The following CTDP1 variants were observed in gnomAD, a reference collection of about 807,000 sequenced individuals.
CTDP1 encodes the protein RNA polymerase II subunit A C-terminal domain phosphatase.
Under a neutral mutation model 91.8 loss-of-function variants are expected in CTDP1, and 47 were observed. That is an observed-to-expected ratio of 0.51 (90% CI 0.41 to 0.65). CTDP1 has a LOEUF of 0.65. Ranked by LOEUF, CTDP1 falls within the 30% of genes least tolerant of loss-of-function variation. The pLI, the probability that CTDP1 is intolerant of heterozygous loss-of-function variation, is 0.00. For synonymous variants in CTDP1, 656 were observed against 598.5 expected (o/e 1.10, Z -1.40); for missense variants, 1,272 against 1,373.7 (o/e 0.93, Z 1.17).
intron 5 of CTDP1, among the ~76,000 whole-genome samples, chr18:79,708,726 A>T (rs1476726047): frequency 6.6e-6 from 1 of 152,264 alleles, no homozygotes; most frequent in Non-Finnish European, 1.5e-5. Flanking sequence ...CCACAGTCCC[A>T]GCTCCCGACT....
intron 12 of CTDP1, among the ~76,000 whole-genome samples, chr18:79,750,337 C>T (rs1366248228): frequency 2.6e-5 from 4 of 151,992 alleles, no homozygotes; most frequent in African/African-American, 4.8e-5. Flanking sequence ...AGGCATGCAC[C>T]GACACTCCCA....
intron 6 of CTDP1, among the ~76,000 whole-genome samples, chr18:79,710,824 G>A (rs936328244): frequency 6.6e-6 from 1 of 150,914 alleles, no homozygotes; most frequent in African/African-American, 2.4e-5. Context: ...GGGATTACAG[G>A]CATGAGCCAC....
intron 1 of CTDP1, among the ~76,000 whole-genome samples, chr18:79,684,286 G>A (rs1334168220): frequency 6.6e-6 from 1 of 152,250 alleles, no homozygotes; most frequent in Non-Finnish European, 1.5e-5. Flanking sequence ...AGATTAGAAC[G>A]TCAGTCTAAA....
chr18:79,697,347 A>C (rs1355344918), intron 3 of CTDP1, among the ~76,000 whole-genome samples: 2 of 152,144 alleles, frequency 1.3e-5, no homozygotes, highest in African/African-American at 2.4e-5. Flanking sequence ...CCTTGTTAGG[A>C]GCTCCACTCT....
intron 2 of CTDP1, 47 bp from the exon 3 acceptor site, chr18:79,695,930 G>A (rs748197626): frequency 1.6e-5 from 23 of 1,479,816 alleles, no homozygotes; most frequent in Non-Finnish European, 2.2e-5. Context: ...GTGCATCTGT[G>A]CGCAGAGACT....
At chr18:79,739,680 C>T (rs62099605) in intron 12 of CTDP1, among the ~76,000 whole-genome samples, 7 of 152,080 alleles carry the variant, frequency 4.6e-5, no homozygotes, top group Non-Finnish European at 1.0e-4. Flanking sequence ...CTTACAGACT[C>T]GGTGGGCTTG....
intron 10 of CTDP1, among the ~76,000 whole-genome samples, chr18:79,728,355 C>A (rs544223137): frequency 2.8e-4 from 42 of 152,210 alleles, no homozygotes; most frequent in Non-Finnish European, 5.3e-4. Context: ...CTGCCTCGGC[C>A]TCCCAAAGTG....
At chr18:79,748,441 A>G (rs2086923952) in intron 12 of CTDP1, among the ~76,000 whole-genome samples, 1 of 152,206 alleles carries the variant, frequency 6.6e-6, no homozygotes, top group Non-Finnish European at 1.5e-5. Context: ...TCAGGGTGGA[A>G]GCCGTTGACC....
At chr18:79,685,594 C>T (rs2085478074) in intron 1 of CTDP1, 1 of 152,190 alleles carries the variant, frequency 6.6e-6, no homozygotes, top group African/African-American at 2.4e-5. Context: ...ATCATTCCAA[C>T]AGCAACGGTA....
intron 4 of CTDP1, among the ~76,000 whole-genome samples, chr18:79,700,307 C>A (rs1053903421): frequency 6.6e-6 from 1 of 152,182 alleles, no homozygotes; most frequent in South Asian, 2.1e-4. Context: ...GCAAGCTGGT[C>A]CTCTTGCACT....
chr18:79,712,480 C>T (rs974552804), intron 6 of CTDP1, among the ~76,000 whole-genome samples: 3 of 152,116 alleles, frequency 2.0e-5, no homozygotes, highest in Non-Finnish European at 4.4e-5. Context: ...CAGGGTCTTC[C>T]TATGTTGCCC....
chr18:79,686,957 G>A (rs1353414330), intron 1 of CTDP1, among the ~76,000 whole-genome samples: 4 of 138,488 alleles, frequency 2.9e-5, no homozygotes, highest in South Asian at 2.5e-4. Flanking sequence ...GGCCTGCACC[G>A]CAGCAGTTGG....
At chr18:79,751,543 C>T (rs191705624) in intron 12 of CTDP1, among the ~76,000 whole-genome samples, 3 of 152,312 alleles carry the variant, frequency 2.0e-5, no homozygotes, top group East Asian at 1.9e-4. Flanking sequence ...CTCTTGTCTT[C>T]TGTTGGTTCC....
At chr18:79,700,833 T>C (rs1694516135) in intron 4 of CTDP1, among the ~76,000 whole-genome samples, 1 of 152,240 alleles carries the variant, frequency 6.6e-6, no homozygotes, top group African/African-American at 2.4e-5. Flanking sequence ...GCTGACTCTC[T>C]CGTTGGAGAC....
At chr18:79,735,748 G>A (rs913710120) in intron 11 of CTDP1, 11 of 156,490 alleles carry the variant, frequency 7.0e-5, no homozygotes, top group Admixed American at 4.3e-4. Flanking sequence ...CTTGCCTGCC[G>A]CCTCTGTTGC....
At position 79,684,737 on chromosome 18, in the gene CTDP1, A is replaced by G. The variant is rs1599183769; in HGVS notation, c.314+4476A>G. ...AGAACCATTCTGGGAACTTAAAAAC[A>G]CTGCATTTGGGTGAAGTTACAATAG... On this transcript the variant is annotated intron_variant, in intron 1 of 12. Coordinates refer to ENST00000613122, the MANE Select transcript of CTDP1 (RefSeq NM_004715.5). Among the ~76,000 whole-genome samples, 3 of 152,380 alleles carry G rather than the reference A, an allele frequency of 2.0e-5. No individual in the cohort carries two copies. In the South Asian group the frequency reaches 6.2e-4, roughly 32 times the overall value.
rs1297181246 is a variant in CTDP1 at position 79,717,978 on chromosome 18, C to T, written c.2379C>T (p.Ser793=). ...GCGCCCGGGGGCCCCCAGCACCCTC[C>T]AGCTCCCTACCCATCCGCCAGGAGC... ...RTGARGPPAP[S]SSLPIRQEPS... is the part of the protein sequence containing the mutation. The change falls in exon 10 of 13, where the codon TCC becomes TCT. Residue 793 remains serine (S), a synonymous_variant. Transcript: ENST00000613122. 6.2e-7 allele frequency: 1 copy of T among 1,613,520 alleles called. No homozygotes were observed. Among genetic ancestry groups the T allele is most frequent in the Non-Finnish European group, 8.5e-7 (1 of 1,179,974 alleles).
chr18:79,698,464 A>C (rs73009307), intron 4 of CTDP1, among the ~76,000 whole-genome samples: 18,927 of 152,104 alleles, frequency 0.12, 1,540 homozygotes, highest in Non-Finnish European at 0.19. Context: ...ACCAGCGTAC[A>C]TTCTCCAGGG....
chr18:79,707,889 C>T (rs191310832), intron 5 of CTDP1, among the ~76,000 whole-genome samples: 10 of 152,290 alleles, frequency 6.6e-5, no homozygotes, highest in Admixed American at 5.2e-4. Context: ...AGCATGCGTG[C>T]TTTCAGTATG....
Sources: gnomAD v4.1 joint callset for allele counts (sites outside exome capture counted in the v4.1 genomes callset) on GRCh38, gnomAD v4.1.1 for gene constraint, MANE v1.5 for transcripts, NCBI Gene and HGNC (gene_info 2026-07-23, HGNC 2026-07-21) for gene names.